CNTRL: variants seen among roughly 807,000 people sequenced by gnomAD.
The protein encoded by CNTRL is centriolin.
In CNTRL, 233 loss-of-function variants were observed where a neutral mutation model predicts 303.7. That is an observed-to-expected ratio of 0.77 (90% confidence interval 0.69 to 0.86). The LOEUF is 0.86. CNTRL is among the 40% of genes least tolerant of loss of function. The pLI is 0.00. For synonymous variants in CNTRL, 900 were observed against 922.2 expected (o/e 0.98, Z 0.44); for missense variants, 2,524 against 2,650.6 (o/e 0.95, Z 1.05).
At position 121,090,265 on chromosome 9, in the gene CNTRL, A is replaced by G. The variant is rs763392494; in HGVS notation, c.218-10A>G. The G allele has an allele frequency of 2.8e-5, 45 of 1,589,408 alleles. No homozygotes were observed. In the Admixed American group the frequency reaches 6.7e-4, roughly 24 times the overall value. The stretch of plus-strand genomic sequence containing the variant: ...CCTCTACTGATGATGATCTGTTTCT[A>G]TAATTTCAGGAGCTGATTCACATGC... On this transcript the variant is annotated splice_polypyrimidine_tract_variant and intron_variant, in intron 3 of 43. Coordinates refer to ENST00000373855, the MANE Select transcript of CNTRL (RefSeq NM_007018.6).
At chr9:121,110,060 C>T (rs942918642) in intron 8 of CNTRL, among the ~76,000 whole-genome samples, 2 of 151,992 alleles carry the variant, frequency 1.3e-5, no homozygotes, top group African/African-American at 4.8e-5. Flanking sequence ...TGAAGTTTTC[C>T]ATTTTAAAAA....
intron 40 of CNTRL, among the ~76,000 whole-genome samples, chr9:121,172,332 A>T (rs2053343558): frequency 6.6e-6 from 1 of 152,216 alleles, no homozygotes; most frequent in Non-Finnish European, 1.5e-5. Context: ...CATCAAATGC[A>T]GTTGGTAACA....
At chr9:121,123,149 C>T (rs1415330660) in intron 12 of CNTRL, among the ~76,000 whole-genome samples, 4 of 149,998 alleles carry the variant, frequency 2.7e-5, no homozygotes, top group African/African-American at 7.3e-5. Flanking sequence ...TATAAAAATA[C>T]TCATTACAAA....
At chr9:121,148,915 T>C in intron 24 of CNTRL, 54 bp downstream of exon 24, 1 of 1,505,484 alleles carries the variant, frequency 6.6e-7, no homozygotes, top group East Asian at 2.3e-5. Flanking sequence ...TAATAACCTT[T>C]TACTGATTCT....
chr9:121,163,185 A>AT (rs1421497615), intron 34 of CNTRL, among the ~76,000 whole-genome samples: 7 of 131,910 alleles, frequency 5.3e-5, no homozygotes, highest in African/African-American at 1.5e-4. Flanking sequence ...GCCAAAAAAA[A>AT]AAAAATAATA....
chr9:121,104,223 T>C (rs143939744), intron 7 of CNTRL, among the ~76,000 whole-genome samples: 12,797 of 152,270 alleles, frequency 0.084, 573 homozygotes, highest in Non-Finnish European at 0.11. Context: ...ATGTCCTTTG[T>C]AGGGACATGG....
At chr9:121,175,697 C>G (rs1489789287) in intron 43 of CNTRL, among the ~76,000 whole-genome samples, 6 of 152,162 alleles carry the variant, frequency 3.9e-5, no homozygotes, top group Non-Finnish European at 8.8e-5. Context: ...AAAAACTTGT[C>G]TTAGCAAAGA....
intron 2 of CNTRL, 36 bp from the exon 3 acceptor site, chr9:121,088,260 A>C (rs1335797853): frequency 3.0e-6 from 3 of 1,011,520 alleles, no homozygotes; most frequent in African/African-American, 3.2e-5. Flanking sequence ...AACTCTTAAA[A>C]ATTAATCTTG....
At chr9:121,095,073 G>A (rs935090154) in intron 5 of CNTRL, 55 bp downstream of exon 5, 2 of 1,310,000 alleles carry the variant, frequency 1.5e-6, no homozygotes, top group Non-Finnish European at 2.1e-6. Flanking sequence ...TGTTAGAGAG[G>A]TAGATTAATG....
rs745542511 is a variant in CNTRL, at chr9:121,088,464, T to G, written c.138T>G (p.Phe46Leu). Residue 46 changes from phenylalanine (F) to leucine (L), a missense_variant, in exon 3 of 44, where the codon TTT becomes TTG. Coordinates refer to ENST00000373855, the MANE Select transcript of CNTRL (RefSeq NM_007018.6). The stretch of plus-strand genomic sequence containing the variant: ...TGATTGGATCAGAGACTCTACCTTT[T>G]CATTCTGGAGGACAGTGGTGTGAGC... ...SPLIGSETLP[F>L]HSGGQWCEQV... The G allele has an allele frequency of 3.1e-6, 5 of 1,613,326 alleles. No individual in the cohort carries two copies. The East Asian group carries it at 6.7e-5, about 22-fold the overall frequency.
chr9:121,146,080 A>C (rs769965072), intron 22 of CNTRL, 28 bp from the exon 23 acceptor site: 2 of 1,560,492 alleles, frequency 1.3e-6, no homozygotes, highest in East Asian at 4.5e-5. Flanking sequence ...ATTTCATATC[A>C]ATTTCATAGA....
At chr9:121,167,952 G>A (rs1410928508) in intron 37 of CNTRL, 144 bp from the exon 38 acceptor site, 2 of 749,292 alleles carry the variant, frequency 2.7e-6, no homozygotes, top group Non-Finnish European at 4.2e-6. Flanking sequence ...AGCTTCCCAA[G>A]CCCTCTTGAT....
Position 121,158,962 on chromosome 9 carries a change from C to A in CNTRL, c.4872C>A (p.Leu1624=), listed in dbSNP as rs747713794. 1.2e-6 allele frequency: 2 copies of A among 1,614,138 alleles called. No individual in the cohort carries two copies. Among genetic ancestry groups the A allele is most frequent in the South Asian group, 1.1e-5 (1 of 91,080 alleles). The change falls in exon 31 of 44, where the codon CTC becomes CTA. Residue 1624 remains leucine (L), a synonymous_variant. Coordinates refer to ENST00000373855, the MANE Select transcript of CNTRL (RefSeq NM_007018.6). ...QGSMVQAKAD[L]QEALRLGETE... ...GCATGGTCCAGGCAAAAGCTGACCTCCAGGAAGCTCTGAGACTGGGAGAGA... is the reference window on the plus strand; with the variant it reads ...GCATGGTCCAGGCAAAAGCTGACCTACAGGAAGCTCTGAGACTGGGAGAGA...
intron 40 of CNTRL, among the ~76,000 whole-genome samples, chr9:121,172,858 G>T (rs999818082): frequency 1.3e-5 from 2 of 152,190 alleles, no homozygotes; most frequent in African/African-American, 4.8e-5. Context: ...TGAGCAGAAG[G>T]TATTTATCTC....
chr9:121,158,830 T>TA (rs2131704309), intron 30 of CNTRL, 25 bp from the exon 31 acceptor site: 1 of 1,611,386 alleles, frequency 6.2e-7, no homozygotes, highest in South Asian at 1.1e-5. Flanking sequence ...TTGTCAAACT[T>TA]ACTCTTCCCT....
intron 14 of CNTRL, among the ~76,000 whole-genome samples, chr9:121,131,791 T>C (rs1185389118): frequency 6.6e-6 from 1 of 152,246 alleles, no homozygotes; most frequent in East Asian, 1.9e-4. Context: ...TTTCCATGTT[T>C]AGTGCTTCCT....
At chr9:121,147,400 A>C (rs1381133478) in intron 23 of CNTRL, among the ~76,000 whole-genome samples, 1 of 152,190 alleles carries the variant, frequency 6.6e-6, no homozygotes, top group African/African-American at 2.4e-5. Flanking sequence ...TTGTGTACTA[A>C]AATGATCAGA....
chr9:121,104,364 G>A (rs926576613), intron 7 of CNTRL, among the ~76,000 whole-genome samples: 13 of 152,272 alleles, frequency 8.5e-5, no homozygotes, highest in Middle Eastern at 6.8e-3. Flanking sequence ...ACCACACACT[G>A]GGGCCTGTCA....
chr9:121,143,461 G>A (rs1250063459), intron 19 of CNTRL, among the ~76,000 whole-genome samples: 2 of 152,172 alleles, frequency 1.3e-5, no homozygotes, highest in East Asian at 3.9e-4. Flanking sequence ...AGCTTCCTTT[G>A]TTCTTAGGAG....
Sources: allele counts gnomAD v4.1 joint callset (sites outside exome capture counted in the v4.1 genomes callset), GRCh38; gene constraint gnomAD v4.1.1; transcripts MANE v1.5; gene names NCBI Gene and HGNC (gene_info 2026-07-23, HGNC 2026-07-21).